Variants in AGMO observed in about 807,000 individuals in gnomAD.
AGMO encodes the protein alkylglycerol monooxygenase, also known as glyceryl-ether monooxygenase.
A neutral mutation model predicts 60.2 loss-of-function variants in AGMO; 75 were observed. The observed-to-expected ratio is 1.25, with a 90% CI of 1.03 to 1.51. AGMO has a LOEUF of 1.51. Ranked by LOEUF, AGMO falls within the 40% of genes most tolerant of loss-of-function variation. AGMO has a pLI of 0.00. For synonymous variants in AGMO, 261 were observed against 177.1 expected (o/e 1.47, Z -3.76); for missense variants, 763 against 525.5 (o/e 1.45, Z -4.42).
intron 12 of AGMO, among the ~76,000 whole-genome samples, chr7:15,226,471 T>C (rs192639463): frequency 1.1e-3 from 171 of 152,154 alleles, no homozygotes; most frequent in African/African-American, 3.9e-3. Flanking sequence ...CAAAATCAGT[T>C]ACAACAGAAT....
chr7:15,233,836 G>A (rs1003651152), intron 12 of AGMO, among the ~76,000 whole-genome samples: 8 of 152,088 alleles, frequency 5.3e-5, no homozygotes, highest in Non-Finnish European at 7.4e-5. Flanking sequence ...TGGATCACGA[G>A]GTCAGTTCGA....
chr7:15,394,198 A>G lies in AGMO; in HGVS notation c.610-19T>C. ...TGATGACCTGTTTAAAACAGAAGGA[A>G]TATTTATACATGTAGTTATCATTAA... On this transcript the variant is annotated intron_variant, in intron 5 of 12. Coordinates refer to ENST00000342526, the MANE Select transcript of AGMO (RefSeq NM_001004320.2). The G allele has an allele frequency of 5.3e-6, 8 of 1,499,334 alleles. No individual in the cohort carries two copies. Among genetic ancestry groups the G allele is most frequent in the Non-Finnish European group, 7.4e-6 (8 of 1,077,744 alleles). The allele number at this position is 1,499,334 out of a possible 1,614,324, so 92.9% of individuals were successfully genotyped here. A position where few individuals can be genotyped will look rare whatever the true frequency, so the allele number is the denominator to read the frequency against.
At chr7:15,343,686 A>G (rs1781936667) in intron 12 of AGMO, among the ~76,000 whole-genome samples, 1 of 152,146 alleles carries the variant, frequency 6.6e-6, no homozygotes, top group Admixed American at 6.6e-5. Context: ...TGAAAATGAC[A>G]TGAGCTTTGT....
intron 12 of AGMO, among the ~76,000 whole-genome samples, chr7:15,350,027 T>C (rs1782182196): frequency 1.3e-5 from 2 of 152,176 alleles, no homozygotes; most frequent in African/African-American, 4.8e-5. Flanking sequence ...ACATCCAATA[T>C]GGAATCTTAA....
At chr7:15,271,072 C>G (rs747860421) in intron 12 of AGMO, among the ~76,000 whole-genome samples, 10 of 151,964 alleles carry the variant, frequency 6.6e-5, no homozygotes, top group Non-Finnish European at 1.3e-4. Context: ...GTTACTACGG[C>G]CTTGTAATAT....
At chr7:15,221,188 T>C (rs1292869430) in intron 12 of AGMO, among the ~76,000 whole-genome samples, 1 of 152,124 alleles carries the variant, frequency 6.6e-6, no homozygotes. Flanking sequence ...ACCTTCTGGA[T>C]ATTGAGGACA....
rs61306199 is a variant in AGMO at position 15,544,655 on chromosome 7, G to A, written c.409+117C>T. On this transcript the variant is annotated intron_variant, in intron 3 of 12. Transcript: ENST00000342526. ...ACCTTCATTATTAATTTTTATATCC[G>A]TAAAATATACTATTTTATTCCTGTA... The A allele has an allele frequency of 3.5e-3, 3,155 of 890,434 alleles. 68 individuals are homozygous for A. The African/African-American group carries it at 0.053, about 15-fold the overall frequency. 55.2% of individuals were successfully genotyped at this position (890,434 alleles called of 1,614,324 possible).
intron 3 of AGMO, among the ~76,000 whole-genome samples, chr7:15,460,073 A>G (rs933316998): frequency 6.6e-6 from 1 of 151,532 alleles, no homozygotes; most frequent in African/African-American, 2.4e-5. Flanking sequence ...AAAGATGCAC[A>G]AAGTTTCAAA....
chr7:15,495,565 C>T (rs1783199446), intron 3 of AGMO, among the ~76,000 whole-genome samples: 1 of 152,182 alleles, frequency 6.6e-6, no homozygotes, highest in Non-Finnish European at 1.5e-5. Context: ...ATTCCTGTAA[C>T]TCATAGCTTC....
At chr7:15,399,956 C>A (rs1398714033) in intron 5 of AGMO, among the ~76,000 whole-genome samples, 1 of 152,108 alleles carries the variant, frequency 6.6e-6, no homozygotes, top group African/African-American at 2.4e-5. Flanking sequence ...TCTTCGAGAC[C>A]AATTCTCCAA....
chr7:15,308,251 T>C (rs1223743277), intron 12 of AGMO, among the ~76,000 whole-genome samples: 1 of 152,066 alleles, frequency 6.6e-6, no homozygotes, highest in Non-Finnish European at 1.5e-5. Context: ...TCAATCCAAA[T>C]CCTTGGTTAC....
chr7:15,131,470 G>A, the AGMO span, among the ~76,000 whole-genome samples: 15 of 152,038 alleles, frequency 9.9e-5, no homozygotes, highest in African/African-American at 3.4e-4. Context: ...GTTAGTGACA[G>A]GGAAATAATG....
intron 3 of AGMO, among the ~76,000 whole-genome samples, chr7:15,503,809 A>T (rs1191813972): frequency 1.3e-5 from 2 of 152,090 alleles, no homozygotes; most frequent in African/African-American, 4.8e-5. Flanking sequence ...ATTTACTCAT[A>T]GTCTCTGATA....
At chr7:15,348,125 A>G (rs1782101152) in intron 12 of AGMO, among the ~76,000 whole-genome samples, 1 of 152,056 alleles carries the variant, frequency 6.6e-6, no homozygotes, top group Non-Finnish European at 1.5e-5. Flanking sequence ...CAGAGATGGA[A>G]AGAACACAGA....
chr7:15,277,064 T>G (rs1783818674), intron 12 of AGMO, among the ~76,000 whole-genome samples: 1 of 152,028 alleles, frequency 6.6e-6, no homozygotes, highest in South Asian at 2.1e-4. Context: ...TCCCAGCACT[T>G]TGGGAGGCCA....
At chr7:15,385,676 A>T (rs1473773707) in intron 9 of AGMO, 114 bp from the exon 10 acceptor site, 1 of 695,042 alleles carries the variant, frequency 1.4e-6, no homozygotes, top group African/African-American at 1.8e-5. Context: ...AAAAAAGACA[A>T]ACATAATTTT....
At chr7:15,457,977 A>G (rs1782042242) in intron 3 of AGMO, among the ~76,000 whole-genome samples, 1 of 152,220 alleles carries the variant, frequency 6.6e-6, no homozygotes, top group Non-Finnish European at 1.5e-5. Flanking sequence ...CATAAAAACT[A>G]TTCATAACTA....
chr7:15,225,120 C>A (rs1000310671), intron 12 of AGMO, among the ~76,000 whole-genome samples: 1 of 151,472 alleles, frequency 6.6e-6, no homozygotes, highest in Non-Finnish European at 1.5e-5. Flanking sequence ...TAAAATTATA[C>A]TAAATATATT....
chr7:15,509,039 G>T (rs1339766442), intron 3 of AGMO, among the ~76,000 whole-genome samples: 1 of 152,138 alleles, frequency 6.6e-6, no homozygotes, highest in Non-Finnish European at 1.5e-5. Context: ...TAAAATTCTG[G>T]CACAAATTAC....
Sources: allele counts gnomAD v4.1 joint callset (sites outside exome capture counted in the v4.1 genomes callset), GRCh38; gene constraint gnomAD v4.1.1; transcripts MANE v1.5; gene names NCBI Gene and HGNC (gene_info 2026-07-23, HGNC 2026-07-21).